Variants in GABRA5 observed in about 807,000 individuals in gnomAD.
GABRA5 encodes the protein gamma-aminobutyric acid type A receptor subunit alpha5, also known as gamma-aminobutyric acid receptor subunit alpha-5.
A neutral mutation model predicts 47.3 loss-of-function variants in GABRA5; 18 were observed. The ratio of observed to expected loss-of-function variants is 0.38; its 90% CI spans 0.26 to 0.56. GABRA5 has a LOEUF of 0.56. Among genes scored for constraint, GABRA5 ranks in the 20% least tolerant of loss-of-function variants. The pLI is 0.71. For synonymous variants in GABRA5, 237 were observed against 229.3 expected (o/e 1.03, Z -0.30); for missense variants, 365 against 599.3 (o/e 0.61, Z 4.08).
intron 6 of GABRA5, among the ~76,000 whole-genome samples, chr15:26,885,976 G>T (rs1892868343): frequency 6.6e-6 from 1 of 152,046 alleles, no homozygotes. Context: ...TAATCTTTGG[G>T]TCCAAAGCCT....
intron 3 of GABRA5, among the ~76,000 whole-genome samples, chr15:26,879,751 A>G (rs1892683603): frequency 6.6e-6 from 1 of 152,124 alleles, no homozygotes; most frequent in Admixed American, 6.5e-5. Context: ...GGTGGCTCTC[A>G]GCTCTGATTT....
chr15:26,888,506 G>A (rs754614969), intron 6 of GABRA5, among the ~76,000 whole-genome samples: 6 of 152,120 alleles, frequency 3.9e-5, no homozygotes, highest in Non-Finnish European at 7.3e-5. Context: ...ACTGGCCCGA[G>A]GTCATCTAGG....
intron 3 of GABRA5, among the ~76,000 whole-genome samples, chr15:26,878,077 T>G (rs1215117538): frequency 6.6e-6 from 1 of 152,098 alleles, no homozygotes; most frequent in African/African-American, 2.4e-5. Flanking sequence ...CTAAACGGAG[T>G]GAGCGCTTTA....
At chr15:26,896,121 G>A (rs9744578) in intron 6 of GABRA5, among the ~76,000 whole-genome samples, 3,163 of 152,258 alleles carry the variant, frequency 0.021, 113 homozygotes, top group African/African-American at 0.072. Flanking sequence ...ATCATACAGA[G>A]TCTTCGATGA....
At chr15:26,910,373 AG>A (rs1893550943) in intron 6 of GABRA5, among the ~76,000 whole-genome samples, 1 of 152,076 alleles carries the variant, frequency 6.6e-6, no homozygotes, top group South Asian at 2.1e-4. Context: ...AGGCCGAGGC[AG>A]GTGGATCACA....
chr15:26,902,477 C>T (rs1257784435), intron 6 of GABRA5, among the ~76,000 whole-genome samples: 1 of 152,030 alleles, frequency 6.6e-6, no homozygotes, highest in African/African-American at 2.4e-5. Context: ...CATACATTGA[C>T]CTTGTATCAG....
intron 6 of GABRA5, among the ~76,000 whole-genome samples, chr15:26,884,018 C>CA (rs34555853): frequency 0.41 from 60,910 of 148,398 alleles, 13,012 homozygotes; most frequent in Non-Finnish European, 0.47. Context: ...AAAAAAGAAA[C>CA]AAAAAAAAAC....
chr15:26,948,370 T>C lies in GABRA5; in HGVS notation c.*137T>C, dbSNP rs1184098332. The C allele has an allele frequency of 1.4e-6, 1 of 729,788 alleles. No individual in the cohort carries two copies. Among genetic ancestry groups the C allele is most frequent in the East Asian group, 2.7e-5 (1 of 36,918 alleles). 45.2% of individuals were successfully genotyped at this position (729,788 alleles called of 1,614,324 possible). Reference sequence around the variant, plus strand: ...TTGCATGTTTAATAATATGTACAAATAATATTGCCTTGATGTTTCTATATG... The same window carrying C: ...TTGCATGTTTAATAATATGTACAAACAATATTGCCTTGATGTTTCTATATG... On this transcript the variant is annotated 3_prime_UTR_variant, in exon 11 of 11. Transcript: ENST00000335625.
At chr15:26,939,478 C>G in intron 8 of GABRA5, 1 of 742,488 alleles carries the variant, frequency 1.3e-6, no homozygotes, top group Non-Finnish European at 2.5e-6. Flanking sequence ...GGGCCTGCTG[C>G]TGGTGGGAGT....
chr15:26,947,970 G>A lies in GABRA5; in HGVS notation c.1126G>A (p.Ala376Thr), dbSNP rs1240159774. ...REVILNKSTN[A>T]FTTGKMSHPP... ...AGTCATACTAAATAAGTCAACAAACGCTTTTACAACTGGGAAGATGTCTCA... is the reference window on the plus strand; with the variant it reads ...AGTCATACTAAATAAGTCAACAAACACTTTTACAACTGGGAAGATGTCTCA... Residue 376 changes from alanine to threonine, a missense_variant, in exon 11 of 11, where the codon GCT becomes ACT. Transcript: ENST00000335625. The A allele has an allele frequency of 1.9e-6, 3 of 1,590,544 alleles. No homozygotes were observed. The highest frequency in any genetic ancestry group is 2.6e-6 in the Non-Finnish European group (3 of 1,167,818).
At chr15:26,896,299 A>C (rs1893192490) in intron 6 of GABRA5, among the ~76,000 whole-genome samples, 1 of 152,184 alleles carries the variant, frequency 6.6e-6, no homozygotes, top group Non-Finnish European at 1.5e-5. Context: ...CAGAAATTCA[A>C]ATGTTTTAAC....
intron 7 of GABRA5, among the ~76,000 whole-genome samples, chr15:26,926,274 C>G (rs986240417): frequency 6.6e-6 from 1 of 152,116 alleles, no homozygotes; most frequent in African/African-American, 2.4e-5. Flanking sequence ...TGGATGTTAC[C>G]TCATAGCAGG....
chr15:26,875,666 C>T (rs1465873132), intron 3 of GABRA5, among the ~76,000 whole-genome samples: 3 of 151,636 alleles, frequency 2.0e-5, no homozygotes, highest in Admixed American at 6.6e-5. Flanking sequence ...TTAGGAACAG[C>T]GGAGGGGCAG....
chr15:26,928,183 G>A (rs1179607238), intron 7 of GABRA5, among the ~76,000 whole-genome samples: 2 of 152,216 alleles, frequency 1.3e-5, no homozygotes, highest in Non-Finnish European at 2.9e-5. Flanking sequence ...TCATCCAGTA[G>A]AGAGAATTTC....
At chr15:26,872,305 C>T (rs1229295088) in intron 3 of GABRA5, among the ~76,000 whole-genome samples, 1 of 152,186 alleles carries the variant, frequency 6.6e-6, no homozygotes, top group Admixed American at 6.5e-5. Flanking sequence ...ACTGTATGAG[C>T]TGAGCACCGT....
At chr15:26,889,018 C>T (rs747505470) in intron 6 of GABRA5, among the ~76,000 whole-genome samples, 4 of 152,242 alleles carry the variant, frequency 2.6e-5, no homozygotes, top group Non-Finnish European at 4.4e-5. Flanking sequence ...AAGATCTGGG[C>T]AAACATTGTA....
intron 7 of GABRA5, among the ~76,000 whole-genome samples, chr15:26,925,477 T>A (rs1324664118): frequency 6.6e-6 from 1 of 152,230 alleles, no homozygotes; most frequent in Non-Finnish European, 1.5e-5. Context: ...TTGTATTGGA[T>A]TCTTTTAAAG....
intron 10 of GABRA5, among the ~76,000 whole-genome samples, chr15:26,944,641 A>G (rs1816722490): frequency 6.6e-6 from 1 of 152,222 alleles, no homozygotes; most frequent in Admixed American, 6.5e-5. Flanking sequence ...CTTGGCCGAC[A>G]CGTTTGAACT....
intron 6 of GABRA5, among the ~76,000 whole-genome samples, chr15:26,885,508 T>C (rs1892857597): frequency 3.3e-5 from 5 of 152,136 alleles, no homozygotes; most frequent in Admixed American, 3.3e-4. Flanking sequence ...AGGACTGTCC[T>C]GGTAACAGCC....
Sources: allele counts gnomAD v4.1 joint callset (sites outside exome capture counted in the v4.1 genomes callset), GRCh38; gene constraint gnomAD v4.1.1; transcripts MANE v1.5; gene names NCBI Gene and HGNC (gene_info 2026-07-23, HGNC 2026-07-21).